The following GPHN variants were observed in gnomAD, a reference collection of about 807,000 sequenced individuals.
The protein encoded by GPHN is gephyrin.
GPHN carries 17 observed loss-of-function variants against 95.5 expected under a neutral mutation model. That is an observed-to-expected ratio of 0.18 (90% CI 0.12 to 0.27). The LOEUF (loss-of-function observed/expected upper bound fraction) is 0.27, where lower values mean the gene tolerates loss of function less well. Among genes scored for constraint, GPHN ranks in the 10% least tolerant of loss-of-function variants. GPHN has a pLI of 1.00. For missense variants in GPHN, 660 were observed against 978.1 expected (o/e 0.67, Z 4.34); for synonymous variants, 320 against 322.5 (o/e 0.99, Z 0.08).
chr14:66,592,689 T>G (rs34231226), intron 1 of GPHN, among the ~76,000 whole-genome samples: 2 of 152,198 alleles, frequency 1.3e-5, no homozygotes, highest in African/African-American at 2.4e-5. Context: ...AGGACCACTT[T>G]TACACTGTTG....
chr14:67,180,558 A>G (rs1015642403), intron 22 of GPHN, among the ~76,000 whole-genome samples: 2 of 152,196 alleles, frequency 1.3e-5, no homozygotes, highest in Admixed American at 6.5e-5. Context: ...CATTTTGCAT[A>G]ATGCTATAAA....
At chr14:66,876,222 C>G (rs2063656553) in intron 4 of GPHN, among the ~76,000 whole-genome samples, 1 of 152,200 alleles carries the variant, frequency 6.6e-6, no homozygotes, top group Non-Finnish European at 1.5e-5. Flanking sequence ...ACACAATAAA[C>G]CAGAATCTCT....
chr14:66,650,422 C>T (rs2064988237), intron 1 of GPHN, among the ~76,000 whole-genome samples: 1 of 152,154 alleles, frequency 6.6e-6, no homozygotes, highest in Admixed American at 6.5e-5. Flanking sequence ...CTAAGGAGCC[C>T]TTTACATGAA....
At chr14:66,690,849 A>G (rs1035934692) in intron 2 of GPHN, among the ~76,000 whole-genome samples, 5 of 152,194 alleles carry the variant, frequency 3.3e-5, no homozygotes, top group African/African-American at 1.2e-4. Context: ...CACTCTATGA[A>G]GGTCACATAA....
chr14:66,812,997 T>TA lies in GPHN; in HGVS notation c.202-11475dup, dbSNP rs923934867. 3.6e-4 allele frequency among the ~76,000 whole-genome samples: 55 copies of TA among 152,352 alleles called. 2 individuals carry two copies. Among genetic ancestry groups the TA allele is most frequent in the Admixed American group, 4.6e-4 (7 of 15,308 alleles). On this transcript the variant is annotated intron_variant, in intron 3 of 22. Coordinates refer to ENST00000478722, the MANE Select transcript of GPHN (RefSeq NM_020806.5). ...TTTTATGGGTTATACAGTATCAATT[T>TA]AATAGTAGATAGCAGAATAGCTAGT...
chr14:67,577,573 C>T, the GPHN span, among the ~76,000 whole-genome samples: 1 of 152,188 alleles, frequency 6.6e-6, no homozygotes, highest in African/African-American at 2.4e-5. Flanking sequence ...GAATGTAATC[C>T]TGTCACTGGG....
chr14:66,985,292 A>G lies in GPHN; in HGVS notation c.963+19967A>G, dbSNP rs145585241. 4.2e-3 allele frequency among the ~76,000 whole-genome samples: 643 copies of G among 152,280 alleles called. 4 individuals carry two copies. Among genetic ancestry groups the G allele is most frequent in the African/African-American group, 0.014 (600 of 41,536 alleles). ...ATTCATGTTTCTAGTCATACCATTT[A>G]TGTTTTCTAATATTACAATGGAATA... is the stretch of plus-strand genomic sequence containing the variant. On this transcript the variant is annotated intron_variant, in intron 9 of 22. Coordinates refer to ENST00000478722, the MANE Select transcript of GPHN (RefSeq NM_020806.5).
At chr14:67,535,439 G>A in the GPHN span, among the ~76,000 whole-genome samples, 24 of 137,986 alleles carry the variant, frequency 1.7e-4, no homozygotes, top group Non-Finnish European at 3.0e-4. Flanking sequence ...GGAGTGCAGT[G>A]GTGCAATCTC....
intron 10 of GPHN, 77 bp from the exon 11 acceptor site, chr14:67,058,572 T>G: frequency 8.1e-7 from 1 of 1,235,528 alleles, no homozygotes; most frequent in Non-Finnish European, 1.2e-6. Flanking sequence ...AATTGGGAGT[T>G]GTGATATTAT....
chr14:66,521,829 G>A (rs1357700191), intron 1 of GPHN, among the ~76,000 whole-genome samples: 1 of 152,088 alleles, frequency 6.6e-6, no homozygotes, highest in Non-Finnish European at 1.5e-5. Flanking sequence ...CACAGCAGAG[G>A]GAACAAGGGA....
At chr14:67,309,524 C>G in the GPHN span, among the ~76,000 whole-genome samples, 5 of 152,000 alleles carry the variant, frequency 3.3e-5, no homozygotes, top group African/African-American at 2.4e-5. Flanking sequence ...TGTTCTCTTC[C>G]CAGCCTACAC....
At chr14:67,355,545 A>G in the GPHN span, among the ~76,000 whole-genome samples, 1 of 150,302 alleles carries the variant, frequency 6.7e-6, no homozygotes, top group African/African-American at 2.4e-5. Context: ...ATAAGGAATT[A>G]TGACAGAAGC....
intron 9 of GPHN, among the ~76,000 whole-genome samples, chr14:66,981,565 A>G (rs2070677208): frequency 6.6e-6 from 1 of 152,208 alleles, no homozygotes; most frequent in African/African-American, 2.4e-5. Flanking sequence ...ATAATTTCTA[A>G]GAAAAAAGTT....
intron 19 of GPHN, among the ~76,000 whole-genome samples, chr14:67,161,995 T>C (rs189961257): frequency 6.0e-4 from 91 of 152,326 alleles, no homozygotes; most frequent in Non-Finnish European, 1.0e-4. Flanking sequence ...CTTCAGCCAT[T>C]GTGTAAATGC....
intron 8 of GPHN, among the ~76,000 whole-genome samples, chr14:66,954,692 T>C (rs10144069): frequency 0.074 from 11,255 of 152,226 alleles, 1,033 homozygotes; most frequent in African/African-American, 0.21. Context: ...AGACATCCTT[T>C]TTCCTGAATT....
chr14:67,674,506 G>C, the GPHN span: 1 of 1,576,324 alleles, frequency 6.3e-7, no homozygotes, highest in East Asian at 2.3e-5. Context: ...GGCCGCGCTG[G>C]AGCAGCGGCC....
the GPHN span, among the ~76,000 whole-genome samples, chr14:67,431,645 T>A: frequency 9.2e-5 from 14 of 152,098 alleles, no homozygotes; most frequent in Middle Eastern, 3.2e-3. Flanking sequence ...TGAGCTGAGA[T>A]GCCACCATTG....
At chr14:67,172,010 C>A (rs571075273) in intron 21 of GPHN, among the ~76,000 whole-genome samples, 2 of 152,172 alleles carry the variant, frequency 1.3e-5, no homozygotes, top group African/African-American at 2.4e-5. Flanking sequence ...ATGCTCCCCC[C>A]AGTAAAGGAG....
the GPHN span, among the ~76,000 whole-genome samples, chr14:67,337,054 A>G: frequency 6.6e-6 from 1 of 152,164 alleles, no homozygotes; most frequent in Non-Finnish European, 1.5e-5. Context: ...TGTGTCTCCA[A>G]TTTTTCCTCT....
Sources: gnomAD v4.1 joint callset for allele counts (sites outside exome capture counted in the v4.1 genomes callset) on GRCh38, gnomAD v4.1.1 for gene constraint, MANE v1.5 for transcripts, NCBI Gene and HGNC (gene_info 2026-07-23, HGNC 2026-07-21) for gene names.